The following KIF6 variants were observed in gnomAD, a reference collection of about 807,000 sequenced individuals.
KIF6 encodes the protein kinesin family member 6.
A neutral mutation model predicts 112.7 loss-of-function variants in KIF6; 106 were observed. That is an observed-to-expected ratio of 0.94 (90% CI 0.80 to 1.11). KIF6 has a LOEUF of 1.11. Ranked by LOEUF, KIF6 falls within the 50% of genes least tolerant of loss-of-function variation. The pLI, the probability that KIF6 is intolerant of heterozygous loss-of-function variation, is 0.00. For synonymous variants in KIF6, 339 were observed against 339.9 expected, an observed-to-expected ratio of 1.00 and a Z score of 0.03; for missense variants, 929 against 964.0, an observed-to-expected ratio of 0.96 and a Z score of 0.48.
At chr6:39,689,229 G>A (rs569501971) in intron 3 of KIF6, among the ~76,000 whole-genome samples, 1 of 152,280 alleles carries the variant, frequency 6.6e-6, no homozygotes, top group East Asian at 1.9e-4. Flanking sequence ...ATGCAGCTGG[G>A]TGCGGTGACT....
At chr6:39,428,232 T>G (rs6900461) in intron 14 of KIF6, among the ~76,000 whole-genome samples, 147,091 of 152,260 alleles carry the variant, frequency 0.97, 71,066 homozygotes, top group East Asian at 0.99. Context: ...AAAGCTCTGT[T>G]GGTTGTTTTA....
intron 11 of KIF6, 89 bp downstream of exon 11, chr6:39,545,494 A>T (rs910873944): frequency 1.2e-6 from 1 of 807,320 alleles, no homozygotes; most frequent in African/African-American, 1.7e-5. Context: ...CTGGATCCTA[A>T]CCTTCCAAGA....
chr6:39,527,109 A>G (rs1337313260), intron 13 of KIF6, among the ~76,000 whole-genome samples: 1 of 152,220 alleles, frequency 6.6e-6, no homozygotes, highest in East Asian at 1.9e-4. Flanking sequence ...GTAAAGGCTT[A>G]ATATACTCTT....
chr6:39,346,126 C>CT (rs1562113307), intron 20 of KIF6, among the ~76,000 whole-genome samples: 7,483 of 23,812 alleles, frequency 0.31, 1,235 homozygotes, highest in African/African-American at 0.46. Context: ...CCTCTCCCTC[C>CT]CTCTCCCTCT....
At chr6:39,607,501 G>C (rs1029365175) in intron 6 of KIF6, among the ~76,000 whole-genome samples, 4 of 152,128 alleles carry the variant, frequency 2.6e-5, no homozygotes, top group Non-Finnish European at 5.9e-5. Flanking sequence ...TAATAGATAA[G>C]AAAAGAGGTT....
At chr6:39,704,347 G>A (rs115370456) in intron 3 of KIF6, among the ~76,000 whole-genome samples, 390 of 152,300 alleles carry the variant, frequency 2.6e-3, no homozygotes, top group South Asian at 0.013. Flanking sequence ...GGCCAGGCGC[G>A]TTGGCTCATG....
intron 3 of KIF6, among the ~76,000 whole-genome samples, chr6:39,679,499 T>C (rs1408997896): frequency 6.6e-6 from 1 of 152,216 alleles, no homozygotes; most frequent in Non-Finnish European, 1.5e-5. Context: ...CCTTTGGCTT[T>C]TGAACATGTC....
chr6:39,682,170 A>C (rs1188403984), intron 3 of KIF6, among the ~76,000 whole-genome samples: 1 of 152,232 alleles, frequency 6.6e-6, no homozygotes, highest in Non-Finnish European at 1.5e-5. Context: ...AAGATCAGAA[A>C]GCATAAGTAC....
intron 5 of KIF6, among the ~76,000 whole-genome samples, chr6:39,620,098 G>T: frequency 6.6e-6 from 1 of 152,116 alleles, no homozygotes; most frequent in Non-Finnish European, 1.5e-5. Flanking sequence ...TCAAAAAACT[G>T]TGCTTGTTAC....
intron 10 of KIF6, among the ~76,000 whole-genome samples, chr6:39,563,574 C>T (rs954314569): frequency 1.3e-5 from 2 of 152,094 alleles, no homozygotes; most frequent in South Asian, 2.1e-4. Flanking sequence ...CATAAATGTA[C>T]CATAACCCAA....
At chr6:39,584,459 A>AAAAAAAAAGAC (rs1561836472) in intron 9 of KIF6, among the ~76,000 whole-genome samples, 53 of 128,594 alleles carry the variant, frequency 4.1e-4, no homozygotes, top group East Asian at 9.1e-4. Flanking sequence ...AAAAAAAAAA[A>AAAAAAAAAGAC]AGACTATTAT....
intron 3 of KIF6, among the ~76,000 whole-genome samples, chr6:39,706,499 AGTG>A (rs1305515086): frequency 1.2e-4 from 18 of 152,236 alleles, no homozygotes; most frequent in Non-Finnish European, 2.2e-4. Context: ...CTGATATGTT[AGTG>A]TCCCTGTTTT....
At chr6:39,574,246 A>C (rs1780805297) in intron 10 of KIF6, among the ~76,000 whole-genome samples, 1 of 152,202 alleles carries the variant, frequency 6.6e-6, no homozygotes, top group Non-Finnish European at 1.5e-5. Flanking sequence ...AATATTATAC[A>C]ATAGTAAGAA....
At chr6:39,533,306 C>T (rs376185567) in intron 13 of KIF6, among the ~76,000 whole-genome samples, 5 of 152,228 alleles carry the variant, frequency 3.3e-5, no homozygotes, top group African/African-American at 1.2e-4. Context: ...TCACTCCCAC[C>T]CTAATACTGC....
chr6:39,581,161 C>CTTTTTT (rs60321520), intron 9 of KIF6, among the ~76,000 whole-genome samples: 20 of 78,698 alleles, frequency 2.5e-4, no homozygotes, highest in East Asian at 3.3e-4. Context: ...GCTTTACTTT[C>CTTTTTT]TTTTTTTTTT....
chr6:39,546,342 G>A (rs575040367), intron 10 of KIF6, among the ~76,000 whole-genome samples: 11 of 151,996 alleles, frequency 7.2e-5, no homozygotes, highest in African/African-American at 2.7e-4. Context: ...TCTCCCCTGG[G>A]CTCTCTCTCT....
chr6:39,482,549 A>G (rs1774862841), intron 13 of KIF6, among the ~76,000 whole-genome samples: 1 of 152,206 alleles, frequency 6.6e-6, no homozygotes, highest in Non-Finnish European at 1.5e-5. Context: ...TTCTTTTCAT[A>G]TAACCTCATT....
intron 10 of KIF6, among the ~76,000 whole-genome samples, chr6:39,557,904 C>T (rs1256732946): frequency 6.7e-6 from 1 of 149,926 alleles, no homozygotes; most frequent in Non-Finnish European, 1.5e-5. Flanking sequence ...AGTAATAATA[C>T]TTGTTATCTT....
chr6:39,612,626 A>G (rs1422124138), intron 6 of KIF6, among the ~76,000 whole-genome samples: 1 of 152,234 alleles, frequency 6.6e-6, no homozygotes, highest in African/African-American at 2.4e-5. Flanking sequence ...TATACACACT[A>G]TAGTGGTGTT....
Sources: allele counts gnomAD v4.1 joint callset (sites outside exome capture counted in the v4.1 genomes callset), GRCh38; gene constraint gnomAD v4.1.1; transcripts MANE v1.5; gene names NCBI Gene and HGNC (gene_info 2026-07-23, HGNC 2026-07-21).